The following TXNIP variants were observed in gnomAD, a reference collection of about 807,000 sequenced individuals.
TXNIP encodes thioredoxin-interacting protein.
Under a neutral mutation model 43.9 loss-of-function variants are expected in TXNIP, and 23 were observed. The ratio of observed to expected loss-of-function variants is 0.52; its 90% CI spans 0.38 to 0.74. The LOEUF is 0.74. TXNIP is among the 30% of genes least tolerant of loss of function. TXNIP has a pLI of 0.00. For missense variants in TXNIP, 555 were observed against 485.4 expected (o/e 1.14, Z -1.35); for synonymous variants, 234 against 172.2 (o/e 1.36, Z -2.81).
In TXNIP at chr1:145,994,644, G is replaced by A; in HGVS notation, c.731C>T (p.Ser244Leu). The change falls in exon 5 of 8, where the codon TCA (serine) becomes TTA (leucine). Residue 244 changes from serine (S) to leucine (L), a missense_variant. Coordinates refer to ENST00000582401, the MANE Select transcript of TXNIP (RefSeq NM_006472.6). Reference protein sequence around the residue: ...LSSVRGNHIISGTCASWRGKS... With the variant: ...LSSVRGNHIILGTCASWRGKS... ...GCCACGCCATGATGCGCATGTCCCTGAGATAATATGATTGCCTCTGACTGA... is the reference window on the plus strand; with the variant it reads ...GCCACGCCATGATGCGCATGTCCCTAAGATAATATGATTGCCTCTGACTGA... 6.2e-7 allele frequency: 1 copy of A among 1,614,196 alleles called. No individual in the cohort carries two copies. The highest frequency in any genetic ancestry group is 8.5e-7 in the Non-Finnish European group (1 of 1,180,042).
intron 6 of TXNIP, 24 bp from the exon 7 acceptor site, chr1:145,994,191 T>G: frequency 6.2e-7 from 1 of 1,613,468 alleles, no homozygotes; most frequent in Non-Finnish European, 8.5e-7. Flanking sequence ...TATGGCCACA[T>G]AAGAATCCTG....
rs983462122 is a variant in TXNIP, at chr1:145,993,680, C to T, written c.*171G>A. On this transcript the variant is annotated 3_prime_UTR_variant, in exon 8 of 8. Coordinates refer to ENST00000582401, the MANE Select transcript of TXNIP (RefSeq NM_006472.6). ...GCGCTGGCTGAGGATGAGTCCGCAT[C>T]CTTTAAGGCCCAGGAGATTGCCTGC... 13 of 683,642 alleles carry T rather than the reference C, an allele frequency of 1.9e-5. No homozygotes were observed. Among genetic ancestry groups the T allele is most frequent in the Non-Finnish European group, 3.2e-5 (13 of 412,260 alleles). 42.3% of individuals were successfully genotyped at this position (683,642 alleles called of 1,614,324 possible).
In TXNIP at chr1:145,993,785, G is replaced by A; in HGVS notation, c.*66C>T. 5.7e-6 allele frequency: 9 copies of A among 1,585,854 alleles called. No homozygotes were observed. Among genetic ancestry groups the A allele is most frequent in the Non-Finnish European group, 6.9e-6 (8 of 1,157,614 alleles). On this transcript the variant is annotated 3_prime_UTR_variant, in exon 8 of 8. Transcript: ENST00000582401. ...CAGAGACTGTTGAGTCTCTGAAAAA[G>A]TGAGTGTCCAGGAAGAGAGACAAAA... is the stretch of plus-strand genomic sequence containing the variant.
Position 145,993,860 on chromosome 1 carries a change from ATTG to A in TXNIP, c.1164_1166del (p.Asn389del), listed in dbSNP as rs1553765789. On this transcript the variant is annotated inframe_deletion, in exon 8 of 8. Coordinates refer to ENST00000582401, the MANE Select transcript of TXNIP (RefSeq NM_006472.6). The stretch of plus-strand genomic sequence containing the variant: ...CTTTTCTTCCACATGCTCACTGCAC[ATTG>A]TTGTTGAGGATGCAGGGATCCACCT... The A allele has an allele frequency of 2.5e-6, 4 of 1,614,080 alleles. No homozygotes were observed. The highest frequency in any genetic ancestry group is 1.3e-5 in the African/African-American group (1 of 74,940).
rs782597088 is a variant in TXNIP, at chr1:145,993,904, CTA to C, written c.1141-20_1141-19del. The C allele has an allele frequency of 1.9e-6, 3 of 1,614,176 alleles. No individual in the cohort carries two copies. The highest frequency in any genetic ancestry group is 1.6e-4 in the Middle Eastern group (1 of 6,062). On this transcript the variant is annotated intron_variant, in intron 7 of 7. Coordinates refer to ENST00000582401, the MANE Select transcript of TXNIP (RefSeq NM_006472.6). ...GGATCCACCTAAAGAAAGAAACAGA[CTA>C]TTTCAGTTCAGGTAAGAACAAAAAG...
At chr1:145,995,881 A>G (rs1651492072) in intron 1 of TXNIP, 136 bp downstream of exon 1, 1 of 1,127,904 alleles carries the variant, frequency 8.9e-7, no homozygotes, top group Non-Finnish European at 1.2e-6. Context: ...GCAAATTAAA[A>G]CAGAAAAAAG....
rs1553765721 is a variant in TXNIP at position 145,993,505 on chromosome 1, T to G, written c.*346A>C. 5.1e-6 allele frequency: 1 copy of G among 196,584 alleles called. No individual in the cohort carries two copies. Among genetic ancestry groups the G allele is most frequent in the African/African-American group, 2.3e-5 (1 of 42,924 alleles). 12.2% of individuals were successfully genotyped at this position (196,584 alleles called of 1,614,324 possible). A position where few individuals can be genotyped will look rare whatever the true frequency, so the allele number is the denominator to read the frequency against. ...TTTACAAAAAGCCTCCAAAAAACCTTGAAAAGCTTACGCCAGGAGGCCATT... is the reference window on the plus strand; with the variant it reads ...TTTACAAAAAGCCTCCAAAAAACCTGGAAAAGCTTACGCCAGGAGGCCATT... On this transcript the variant is annotated 3_prime_UTR_variant, in exon 8 of 8. Transcript: ENST00000582401.
rs1304399618 is a variant in TXNIP at position 145,994,699 on chromosome 1, G to C, written c.676C>G (p.Gln226Glu). 1.2e-6 allele frequency: 2 copies of C among 1,614,070 alleles called. No homozygotes were observed. The highest frequency in any genetic ancestry group is 1.3e-5 in the African/African-American group (1 of 74,918). Residue 226 changes from glutamine to glutamate, a missense_variant, in exon 5 of 8, where the codon CAG (glutamine) becomes GAG (glutamate). Physicochemically the swap from Gln to Glu is conservative, Grantham distance 29 (BLOSUM62 2). Transcript: ENST00000582401. The stretch of plus-strand genomic sequence containing the variant: ...AACTTCTGAGTCAGCACCTTGGTCT[G>C]GCCATTGGCAAGGTAAGTGTGGCGG... ...VARHTYLANG[Q>E]TKVLTQKLSS...
chr1:145,995,667 T>A (rs1264434103), intron 1 of TXNIP, 191 bp from the exon 2 acceptor site: 7 of 643,352 alleles, frequency 1.1e-5, no homozygotes, highest in Non-Finnish European at 1.9e-5. Flanking sequence ...GGCAGCAAGT[T>A]GCCAAGCCCT....
chr1:145,996,048 T>G lies in TXNIP; in HGVS notation c.219A>C (p.Glu73Asp). Reference protein sequence around the residue: ...CKQTSEYLRYEDTLLLEDQPT... With the variant: ...CKQTSEYLRYDDTLLLEDQPT... ...GCTGGTCTTCCAGAAGAAGCGTGTC[T>G]TCATAGCGCAGGTACTCCGAAGTCT... The change falls in exon 1 of 8, where the codon GAA becomes GAC. Residue 73 changes from glutamate (E) to aspartate (D), a missense_variant. Transcript: ENST00000582401. The G allele has an allele frequency of 6.2e-7, 1 of 1,613,990 alleles. No homozygotes were observed. The highest frequency in any genetic ancestry group is 1.1e-5 in the South Asian group (1 of 91,072).
intron 7 of TXNIP, 43 bp downstream of exon 7, chr1:145,993,973 G>C: frequency 6.2e-7 from 1 of 1,613,718 alleles, no homozygotes; most frequent in Non-Finnish European, 8.5e-7. Context: ...ACTTCTTATA[G>C]AAAGCTTAGG....
intron 7 of TXNIP, 28 bp from the exon 8 acceptor site, chr1:145,993,914 T>G (rs782543520): frequency 6.2e-7 from 1 of 1,614,132 alleles, no homozygotes; most frequent in South Asian, 1.1e-5. Context: ...CTATTTCAGT[T>G]CAGGTAAGAA....
chr1:145,993,164 A>G lies in TXNIP; in HGVS notation c.*687T>C, dbSNP rs1553765653. ...GAACACAGTGCAATAGGCTCCAAAA[A>G]TGGCTTTTAAGACCTTTGGTGGGGC... On this transcript the variant is annotated 3_prime_UTR_variant, in exon 8 of 8. Transcript: ENST00000582401. 6.5e-6 allele frequency: 1 copy of G among 152,700 alleles called. No individual in the cohort carries two copies. The highest frequency in any genetic ancestry group is 2.4e-5 in the African/African-American group (1 of 41,462). The allele number at this position is 152,700 out of a possible 1,614,324, so 9.5% of individuals were successfully genotyped here.
Position 145,992,556 on chromosome 1 carries a change from C to G in TXNIP, c.*1295G>C, listed in dbSNP as rs1166587935. 1 of 152,570 alleles carries G rather than the reference C, an allele frequency of 6.6e-6. No individual in the cohort carries two copies. Among genetic ancestry groups the G allele is most frequent in the African/African-American group, 2.4e-5 (1 of 41,502 alleles). 9.5% of individuals were successfully genotyped at this position (152,570 alleles called of 1,614,324 possible). On this transcript the variant is annotated 3_prime_UTR_variant, in exon 8 of 8. Coordinates refer to ENST00000582401, the MANE Select transcript of TXNIP (RefSeq NM_006472.6). The stretch of plus-strand genomic sequence containing the variant: ...TTACCATACAAAAAGATACATAATA[C>G]AAAAACATGAAACCAACCATCTTCA...
chr1:145,994,601 C>T lies in TXNIP; in HGVS notation c.774G>A (p.Gln258=), dbSNP rs1651369431. ...ASWRGKSLRV[Q]KIRPSILGCN... ...AGCCCAGGATAGAAGGCCTGATCTT[C>T]TGAACCCGAAGGCTCTTGCCACGCC... Residue 258 remains glutamine, a synonymous_variant, in exon 5 of 8, where the codon CAG becomes CAA. Transcript: ENST00000582401. The T allele has an allele frequency of 6.2e-7, 1 of 1,614,088 alleles. No individual in the cohort carries two copies.
At position 145,995,394 on chromosome 1, in the gene TXNIP, T is replaced by G; in HGVS notation, c.323+10A>C. The G allele has an allele frequency of 6.2e-7, 1 of 1,612,998 alleles. No homozygotes were observed. The highest frequency in any genetic ancestry group is 8.5e-7 in the Non-Finnish European group (1 of 1,179,114). ...AGAAAAGTTCAAAGATGCATTTAGCTGATATTTACCCCTGAGGAAGCTCAA... is the reference window on the plus strand; with the variant it reads ...AGAAAAGTTCAAAGATGCATTTAGCGGATATTTACCCCTGAGGAAGCTCAA... On this transcript the variant is annotated intron_variant, in intron 2 of 7. Transcript: ENST00000582401.
rs1553766372 is a variant in TXNIP, at chr1:145,995,480, A to C, written c.251-4T>G. ...ATGATCACCATCTCATTCTCACCTGAAGGGAAAGAAAATCGAGTAGCCATT... is the reference window on the plus strand; with the variant it reads ...ATGATCACCATCTCATTCTCACCTGCAGGGAAAGAAAATCGAGTAGCCATT... On this transcript the variant is annotated splice_polypyrimidine_tract_variant and splice_region_variant and intron_variant, in intron 1 of 7. Coordinates refer to ENST00000582401, the MANE Select transcript of TXNIP (RefSeq NM_006472.6). The C allele has an allele frequency of 6.2e-7, 1 of 1,614,080 alleles. No individual in the cohort carries two copies. Among genetic ancestry groups the C allele is most frequent in the Non-Finnish European group, 8.5e-7 (1 of 1,179,930 alleles).
rs1385183650 is a variant in TXNIP, at chr1:145,996,111, A to G, written c.156T>C (p.Ala52=). The stretch of plus-strand genomic sequence containing the variant: ...GGGATCCCTGCATCCAAAGCACTTT[A>G]GCCACTCCGCAAGCCAGGATCCTAA... ...KAVRILACGV[A]KVLWMQGSQQ... is the part of the protein sequence containing the mutation. Residue 52 remains alanine (A), a synonymous_variant, in exon 1 of 8, where the codon GCT becomes GCC. Transcript: ENST00000582401. 1.2e-6 allele frequency: 2 copies of G among 1,613,966 alleles called. No homozygotes were observed. Among genetic ancestry groups the G allele is most frequent in the African/African-American group, 2.7e-5 (2 of 74,884 alleles).
Position 145,995,442 on chromosome 1 carries a change from G to A in TXNIP, c.285C>T (p.Asn95=). The change falls in exon 2 of 8, where the codon AAC becomes AAT. Residue 95 remains asparagine (N), a synonymous_variant. Transcript: ENST00000582401. The part of the protein sequence containing the change: ...ENEMVIMRPG[N]KYEYKFGFEL... Reference sequence around the variant, plus strand: ...CAAAGCCGAACTTGTACTCATATTTGTTTCCAGGTCTCATGATCACCATCT... The same window carrying A: ...CAAAGCCGAACTTGTACTCATATTTATTTCCAGGTCTCATGATCACCATCT... The A allele has an allele frequency of 3.7e-6, 6 of 1,614,122 alleles. No homozygotes were observed. The highest frequency in any genetic ancestry group is 5.1e-6 in the Non-Finnish European group (6 of 1,180,012).
Sources: allele counts gnomAD v4.1 joint callset, GRCh38; gene constraint gnomAD v4.1.1; transcripts MANE v1.5; gene names NCBI Gene and HGNC (gene_info 2026-07-23, HGNC 2026-07-21).